EBF2: variants seen among roughly 807,000 people sequenced by gnomAD.
EBF2 encodes transcription factor COE2.
A neutral mutation model predicts 72.8 loss-of-function variants in EBF2; 21 were observed. That is an observed-to-expected ratio of 0.29 (90% confidence interval 0.20 to 0.42). EBF2 has a LOEUF of 0.42. Ranked by LOEUF, EBF2 falls within the 10% of genes least tolerant of loss-of-function variation. EBF2 has a pLI of 1.00. For synonymous variants in EBF2, 299 were observed against 274.2 expected, an observed-to-expected ratio of 1.09 and a Z score of -0.89; for missense variants, 637 against 731.2, an observed-to-expected ratio of 0.87 and a Z score of 1.49.
At chr8:26,024,891 T>A (rs1212382061) in intron 6 of EBF2, among the ~76,000 whole-genome samples, 1 of 152,222 alleles carries the variant, frequency 6.6e-6, no homozygotes, top group African/African-American at 2.4e-5. Context: ...AAGATTTAAA[T>A]GCCATGTGAT....
rs752732103 is a variant in EBF2 at position 25,850,628 on chromosome 8, A to G, written c.1662T>C (p.Pro554=). 5.1e-6 allele frequency: 8 copies of G among 1,565,198 alleles called. No individual in the cohort carries two copies. The highest frequency in any genetic ancestry group is 6.9e-6 in the Non-Finnish European group (8 of 1,163,776). The change falls in exon 15 of 16, where the codon CCT becomes CCC. Residue 554 remains proline, a synonymous_variant. Coordinates refer to ENST00000520164, the MANE Select transcript of EBF2 (RefSeq NM_022659.4). The stretch of plus-strand genomic sequence containing the variant: ...CATTTCCATTGCCGCTGGAGCAGGC[A>G]GGTGAAGGGGAGCCTTGGGGCCTGA... ...PVIRPQGSPS[P]ACSSGNGNGF...
At chr8:25,950,546 A>G (rs959322217) in intron 6 of EBF2, among the ~76,000 whole-genome samples, 3 of 152,226 alleles carry the variant, frequency 2.0e-5, no homozygotes, top group African/African-American at 7.2e-5. Context: ...CAGTCGCATC[A>G]AAGAGGGGAC....
At position 25,964,977 on chromosome 8, in the gene EBF2, A is replaced by G. The variant is rs77180653; in HGVS notation, c.552-56422T>C. Among the ~76,000 whole-genome samples the G allele has an allele frequency of 3.3e-3, 508 of 152,358 alleles. 7 individuals are homozygous for G. Among genetic ancestry groups the G allele is most frequent in the East Asian group, 0.019 (96 of 5,188 alleles). ...CTTACTGATTTCTGTAGTGAGGTCAATATCAATAATTGATGGAGCTATGAT... is the reference window on the plus strand; with the variant it reads ...CTTACTGATTTCTGTAGTGAGGTCAGTATCAATAATTGATGGAGCTATGAT... On this transcript the variant is annotated intron_variant, in intron 6 of 15. Transcript: ENST00000520164.
At chr8:26,019,074 C>T (rs1805162970) in intron 6 of EBF2, among the ~76,000 whole-genome samples, 2 of 151,950 alleles carry the variant, frequency 1.3e-5, no homozygotes, top group Non-Finnish European at 2.9e-5. Flanking sequence ...CTTTTATTTA[C>T]TCCCTGGGTC....
chr8:25,942,337 A>G (rs555887338), intron 6 of EBF2, among the ~76,000 whole-genome samples: 2 of 152,348 alleles, frequency 1.3e-5, no homozygotes, highest in South Asian at 2.1e-4. Context: ...TATTTAGGGC[A>G]CTTAGAGTGT....
At chr8:25,852,228 G>A (rs1331943628) in intron 14 of EBF2, among the ~76,000 whole-genome samples, 1 of 152,192 alleles carries the variant, frequency 6.6e-6, no homozygotes, top group East Asian at 1.9e-4. Context: ...TAAGGACACA[G>A]GGTTAAGCAT....
chr8:25,857,244 A>G (rs1175750960), intron 14 of EBF2, among the ~76,000 whole-genome samples: 2 of 152,040 alleles, frequency 1.3e-5, no homozygotes, highest in African/African-American at 4.8e-5. Flanking sequence ...TTGGTGCTAT[A>G]TCTTTATCTC....
intron 10 of EBF2, among the ~76,000 whole-genome samples, chr8:25,881,424 C>A (rs1229110764): frequency 1.3e-5 from 2 of 152,224 alleles, no homozygotes; most frequent in African/African-American, 2.4e-5. Context: ...TAAGGAGGTT[C>A]AATTCCCCTG....
intron 10 of EBF2, among the ~76,000 whole-genome samples, chr8:25,869,749 A>C (rs1802399436): frequency 6.6e-6 from 1 of 152,188 alleles, no homozygotes; most frequent in African/African-American, 2.4e-5. Flanking sequence ...TAGTGGTGGT[A>C]ATATGCAATA....
chr8:25,994,179 G>A (rs889323912), intron 6 of EBF2, among the ~76,000 whole-genome samples: 2 of 151,982 alleles, frequency 1.3e-5, no homozygotes, highest in Non-Finnish European at 2.9e-5. Context: ...ACATAAATAT[G>A]ACTATAAAAC....
At chr8:25,926,196 G>A (rs73225940) in intron 6 of EBF2, among the ~76,000 whole-genome samples, 6,716 of 152,210 alleles carry the variant, frequency 0.044, 205 homozygotes, top group Middle Eastern at 0.078. Flanking sequence ...CAACATGGGA[G>A]GGAGATCTCG....
intron 6 of EBF2, among the ~76,000 whole-genome samples, chr8:26,030,719 G>A (rs1301688390): frequency 3.3e-5 from 5 of 152,096 alleles, no homozygotes; most frequent in Non-Finnish European, 5.9e-5. Flanking sequence ...CGGAAGTAAC[G>A]CACATTTCAA....
chr8:25,933,795 C>T (rs1281433580), intron 6 of EBF2, among the ~76,000 whole-genome samples: 5 of 151,658 alleles, frequency 3.3e-5, no homozygotes, highest in Non-Finnish European at 5.9e-5. Context: ...TAAAAAAATA[C>T]GAAACAGTAA....
intron 6 of EBF2, among the ~76,000 whole-genome samples, chr8:25,919,499 T>A (rs752127039): frequency 1.3e-5 from 2 of 152,202 alleles, no homozygotes; most frequent in Non-Finnish European, 2.9e-5. Flanking sequence ...CCATTTGAAA[T>A]GTGTTTAGCT....
intron 6 of EBF2, among the ~76,000 whole-genome samples, chr8:25,999,302 T>C (rs1456822039): frequency 6.6e-6 from 1 of 152,196 alleles, no homozygotes; most frequent in African/African-American, 2.4e-5. Flanking sequence ...GATGATTTGG[T>C]TCGCATTCTG....
intron 6 of EBF2, among the ~76,000 whole-genome samples, chr8:25,929,786 C>T (rs1803451273): frequency 6.6e-6 from 1 of 152,070 alleles, no homozygotes; most frequent in African/African-American, 2.4e-5. Context: ...TTCCCCATCA[C>T]TGAGCTCGCC....
At chr8:25,866,179 A>G (rs1802311534) in intron 10 of EBF2, among the ~76,000 whole-genome samples, 1 of 151,820 alleles carries the variant, frequency 6.6e-6, no homozygotes, top group Non-Finnish European at 1.5e-5. Flanking sequence ...CATTAATCCC[A>G]TTTAGTTCTC....
chr8:25,998,563 T>A (rs1338416864), intron 6 of EBF2, among the ~76,000 whole-genome samples: 1 of 152,202 alleles, frequency 6.6e-6, no homozygotes, highest in African/African-American at 2.4e-5. Flanking sequence ...TAAACTCCAG[T>A]GGTGACGTTC....
At chr8:25,871,946 C>T (rs1169255059) in intron 10 of EBF2, among the ~76,000 whole-genome samples, 3 of 149,776 alleles carry the variant, frequency 2.0e-5, no homozygotes, top group Non-Finnish European at 4.4e-5. Context: ...AAAATATCTA[C>T]TGGGAACCAC....
Sources: allele counts gnomAD v4.1 joint callset (sites outside exome capture counted in the v4.1 genomes callset), GRCh38; gene constraint gnomAD v4.1.1; transcripts MANE v1.5; gene names NCBI Gene and HGNC (gene_info 2026-07-23, HGNC 2026-07-21).